The following HSD17B12 variants were observed in gnomAD, a reference collection of about 807,000 sequenced individuals.
The protein encoded by HSD17B12 is hydroxysteroid 17-beta dehydrogenase 12.
A neutral mutation model predicts 39.3 loss-of-function variants in HSD17B12; 32 were observed. That is an observed-to-expected ratio of 0.81 (90% CI 0.61 to 1.09). The LOEUF is 1.09. Ranked by LOEUF, HSD17B12 falls within the 50% of genes least tolerant of loss-of-function variation. HSD17B12 has a pLI of 0.00. For missense variants in HSD17B12, 342 were observed against 382.9 expected (o/e 0.89, Z 0.89); for synonymous variants, 150 against 146.7 (o/e 1.02, Z -0.16).
At chr11:43,774,395 A>G (rs1415843180) in intron 3 of HSD17B12, among the ~76,000 whole-genome samples, 3 of 151,962 alleles carry the variant, frequency 2.0e-5, no homozygotes, top group Non-Finnish European at 4.4e-5. Flanking sequence ...TTGTGTTTTT[A>G]GTAGAGGCAG....
chr11:43,569,910 T>A, the HSD17B12 span: 1 of 152,678 alleles, frequency 6.5e-6, no homozygotes, highest in African/African-American at 2.4e-5. Context: ...TAATAACCCC[T>A]CATTGACCAC....
intron 1 of HSD17B12, among the ~76,000 whole-genome samples, chr11:43,747,741 T>G (rs149664218): frequency 9.2e-5 from 14 of 152,350 alleles, no homozygotes; most frequent in African/African-American, 3.4e-4. Flanking sequence ...CTATAGATTA[T>G]GTGCATGACG....
At chr11:43,566,744 G>A in the HSD17B12 span, among the ~76,000 whole-genome samples, 1 of 152,142 alleles carries the variant, frequency 6.6e-6, no homozygotes, top group Non-Finnish European at 1.5e-5. Flanking sequence ...TGGCCAGGCT[G>A]GTCTCGAACT....
intron 3 of HSD17B12, among the ~76,000 whole-genome samples, chr11:43,797,354 A>C (rs1950924465): frequency 6.6e-6 from 1 of 152,236 alleles, no homozygotes; most frequent in African/African-American, 2.4e-5. Flanking sequence ...TTGACTAAGT[A>C]AGCTGAGTGG....
intron 1 of HSD17B12, among the ~76,000 whole-genome samples, chr11:43,726,445 A>G (rs192736819): frequency 1.3e-5 from 2 of 152,224 alleles, no homozygotes. Flanking sequence ...TGGCTCATCT[A>G]AACAGTTACC....
intron 1 of HSD17B12, among the ~76,000 whole-genome samples, chr11:43,707,032 T>C (rs779645072): frequency 1.5e-4 from 23 of 152,172 alleles, no homozygotes; most frequent in Non-Finnish European, 2.6e-4. Flanking sequence ...ACCATAGATA[T>C]ATCATCAAGA....
chr11:43,610,101 G>A, the HSD17B12 span, among the ~76,000 whole-genome samples: 1 of 152,030 alleles, frequency 6.6e-6, no homozygotes, highest in Non-Finnish European at 1.5e-5. Flanking sequence ...TTTCCCTAAA[G>A]GATTTCTTTC....
chr11:43,827,178 G>C (rs1037344531), intron 6 of HSD17B12, among the ~76,000 whole-genome samples: 1 of 152,146 alleles, frequency 6.6e-6, no homozygotes, highest in Admixed American at 6.5e-5. Context: ...CTGGATTCTA[G>C]GGTGAGTTGT....
At chr11:43,845,622 G>A (rs551002695) in intron 9 of HSD17B12, among the ~76,000 whole-genome samples, 11 of 152,202 alleles carry the variant, frequency 7.2e-5, no homozygotes, top group Admixed American at 5.2e-4. Flanking sequence ...AGTGAGATTC[G>A]GATTATGCTT....
chr11:43,777,800 A>G (rs1950722766), intron 3 of HSD17B12, among the ~76,000 whole-genome samples: 1 of 152,204 alleles, frequency 6.6e-6, no homozygotes, highest in Non-Finnish European at 1.5e-5. Context: ...ACAAAGACAC[A>G]ACATACCAGA....
chr11:43,763,333 G>A lies in HSD17B12; in HGVS notation c.283+9212G>A, dbSNP rs541242653. On this transcript the variant is annotated intron_variant, in intron 3 of 10. Transcript: ENST00000278353. ...ATACAGAAACAAGAAACTTTTGTTC[G>A]AAAATCATTCAACAACATGACAAAA... Among the ~76,000 whole-genome samples the A allele has an allele frequency of 1.1e-3, 163 of 152,062 alleles. 1 individual carries two copies. Among genetic ancestry groups the A allele is most frequent in the Non-Finnish European group, 2.0e-3 (135 of 67,938 alleles).
chr11:43,773,625 C>T (rs574011530), intron 3 of HSD17B12, among the ~76,000 whole-genome samples: 1 of 152,312 alleles, frequency 6.6e-6, no homozygotes, highest in South Asian at 2.1e-4. Flanking sequence ...TCCGTGTCCC[C>T]ATATGTATGC....
intron 1 of HSD17B12, among the ~76,000 whole-genome samples, chr11:43,703,235 C>T (rs1035322825): frequency 7.2e-5 from 11 of 152,114 alleles, no homozygotes; most frequent in African/African-American, 2.7e-4. Flanking sequence ...CGCTCTGTCA[C>T]CCAGGCTGGA....
chr11:43,629,940 A>G, the HSD17B12 span, among the ~76,000 whole-genome samples: 1 of 152,222 alleles, frequency 6.6e-6, no homozygotes, highest in East Asian at 1.9e-4. Context: ...CATAATATAC[A>G]AAGTGCAAAT....
At chr11:43,708,752 A>G (rs991753256) in intron 1 of HSD17B12, among the ~76,000 whole-genome samples, 3 of 152,218 alleles carry the variant, frequency 2.0e-5, no homozygotes, top group Admixed American at 1.3e-4. Context: ...TTTTATTTAT[A>G]CTTCATAGAT....
At position 43,734,216 on chromosome 11, in the gene HSD17B12, G is replaced by A. The variant is rs1950295696; in HGVS notation, c.161-16695G>A. The A allele has an allele frequency of 2.6e-6, 4 of 1,550,576 alleles. No individual in the cohort carries two copies. The East Asian group carries it at 9.1e-5, about 35-fold the overall frequency. ...CAGGCAGGTGAGCGACGACCTTACG[G>A]AGCGAGCAGCCACCTTTGGGTTCAT... On this transcript the variant is annotated intron_variant, in intron 1 of 10. Coordinates refer to ENST00000278353, the MANE Select transcript of HSD17B12 (RefSeq NM_016142.3).
chr11:43,571,147 A>G, the HSD17B12 span, among the ~76,000 whole-genome samples: 1 of 152,210 alleles, frequency 6.6e-6, no homozygotes, highest in Admixed American at 6.5e-5. Context: ...AGTTCTGCTA[A>G]TTCAGACCTA....
At chr11:43,734,618 A>G (rs1950299946) in intron 1 of HSD17B12, 4 of 370,250 alleles carry the variant, frequency 1.1e-5, no homozygotes. Context: ...AGCCCCGATG[A>G]TTCTTAACAC....
intron 1 of HSD17B12, among the ~76,000 whole-genome samples, chr11:43,712,564 C>T (rs906686174): frequency 2.0e-5 from 3 of 152,012 alleles, no homozygotes; most frequent in Non-Finnish European, 4.4e-5. Flanking sequence ...ACCTAGAAGC[C>T]CCTCCCCTGC....
Sources: gnomAD v4.1 joint callset for allele counts (sites outside exome capture counted in the v4.1 genomes callset) on GRCh38, gnomAD v4.1.1 for gene constraint, MANE v1.5 for transcripts, NCBI Gene and HGNC (gene_info 2026-07-23, HGNC 2026-07-21) for gene names.